WDR93: variants seen among roughly 807,000 people sequenced by gnomAD.
The protein encoded by WDR93 is WD repeat domain 93.
WDR93 carries 73 observed loss-of-function variants against 82.9 expected under a neutral mutation model. That is an observed-to-expected ratio of 0.88 (90% confidence interval 0.73 to 1.07). WDR93 has a LOEUF of 1.07. Among genes scored for constraint, WDR93 ranks in the 50% least tolerant of loss-of-function variants. WDR93 has a pLI of 0.00. For synonymous variants in WDR93, 283 were observed against 300.1 expected, an observed-to-expected ratio of 0.94 and a Z score of 0.59; for missense variants, 738 against 826.0, an observed-to-expected ratio of 0.89 and a Z score of 1.31.
Position 89,703,092 on chromosome 15 carries a change from G to T in WDR93, c.446G>T (p.Trp149Leu). The T allele has an allele frequency of 6.2e-7, 1 of 1,614,112 alleles. No homozygotes were observed. The change falls in exon 3 of 17, where the codon TGG (tryptophan) becomes TTG (leucine). Residue 149 changes from tryptophan to leucine, a missense_variant. Coordinates refer to ENST00000268130, the MANE Select transcript of WDR93 (RefSeq NM_020212.2). ...EKLKVDVTSIWATDLGNEILI... is the reference protein window; with the variant it reads ...EKLKVDVTSILATDLGNEILI... ...CTTAAGGTTGATGTCACTTCCATCTGGGCCACAGATTTAGGGAATGAAATA... is the reference window on the plus strand; with the variant it reads ...CTTAAGGTTGATGTCACTTCCATCTTGGCCACAGATTTAGGGAATGAAATA...
At chr15:89,700,568 T>G (rs913948441) in intron 1 of WDR93, among the ~76,000 whole-genome samples, 135 of 149,050 alleles carry the variant, frequency 9.1e-4, no homozygotes, top group Middle Eastern at 3.5e-3. Flanking sequence ...GGTTTTTTTT[T>G]TTTTTTTTTT....
Position 89,737,595 on chromosome 15 carries a change from G to A in WDR93, c.1631G>A (p.Gly544Asp). The change falls in exon 15 of 17, where the codon GGC (glycine) becomes GAC (aspartate). Residue 544 changes from glycine to aspartate, a missense_variant. By Grantham distance (94) the Gly-to-Asp change is moderately conservative (BLOSUM62 -1). Transcript: ENST00000268130. The stretch of plus-strand genomic sequence containing the variant: ...CAGGTGCTCATCTTTTCCAAGAATG[G>A]CTCTGTGTGCCTTATGGATGTGGCC... The part of the protein sequence containing the change: ...PGMVLIFSKN[G>D]SVCLMDVAKR... 1 of 1,614,158 alleles carries A rather than the reference G, an allele frequency of 6.2e-7. No individual in the cohort carries two copies. The highest frequency in any genetic ancestry group is 8.5e-7 in the Non-Finnish European group (1 of 1,180,016).
chr15:89,715,144 C>T (rs939956273), intron 6 of WDR93, 49 bp downstream of exon 6: 10 of 1,540,826 alleles, frequency 6.5e-6, no homozygotes, highest in Admixed American at 1.8e-5. Context: ...CTACCCCTGA[C>T]CCACATCTAG....
In WDR93 at chr15:89,738,221, G is replaced by A. The variant is rs35389334; in HGVS notation, c.1946G>A (p.Arg649His). The A allele has an allele frequency of 3.2e-3, 5,165 of 1,609,784 alleles. 178 individuals carry two copies. In the African/African-American group the frequency reaches 0.06, roughly 19 times the overall value. ...CTGCCACTGGAGAAGAGATGTGAGC[G>A]TTTCCTCCAGAAGAGGTAAAGAGCT... is the stretch of plus-strand genomic sequence containing the variant. ...QALPLEKRCERFLQKSYRKLE... is the reference protein window; with the variant it reads ...QALPLEKRCEHFLQKSYRKLE... The change falls in exon 16 of 17, where the codon CGT becomes CAT. Residue 649 changes from arginine to histidine, a missense_variant. By Grantham distance (29) the Arg-to-His change is conservative. Coordinates refer to ENST00000268130, the MANE Select transcript of WDR93 (RefSeq NM_020212.2).
At chr15:89,731,598 T>C in intron 12 of WDR93, 36 bp downstream of exon 12, 1 of 1,612,672 alleles carries the variant, frequency 6.2e-7, no homozygotes, top group Non-Finnish European at 8.5e-7. Flanking sequence ...AGTACCTGGG[T>C]GGGACTCTGG....
rs763530423 is a variant in WDR93, at chr15:89,702,930, T to A, written c.304-20T>A. ...AAGACAGTGACAACTGAAAATAATA[T>A]TTTTTCTTTGTTTTCCCAGCTCAAC... On this transcript the variant is annotated intron_variant, in intron 2 of 16. Coordinates refer to ENST00000268130, the MANE Select transcript of WDR93 (RefSeq NM_020212.2). The A allele has an allele frequency of 6.2e-7, 1 of 1,611,452 alleles. No individual in the cohort carries two copies. The highest frequency in any genetic ancestry group is 8.5e-7 in the Non-Finnish European group (1 of 1,178,912).
At chr15:89,728,538 G>A (rs1266505583) in intron 9 of WDR93, among the ~76,000 whole-genome samples, 1 of 152,186 alleles carries the variant, frequency 6.6e-6, no homozygotes, top group East Asian at 1.9e-4. Flanking sequence ...GATAATTAGG[G>A]TTTTGCAAGC....
In WDR93 at chr15:89,712,120, G is replaced by A. The variant is rs771390032; in HGVS notation, c.640+16G>A. 2 of 1,601,650 alleles carry A rather than the reference G, an allele frequency of 1.2e-6. No individual in the cohort carries two copies. The highest frequency in any genetic ancestry group is 1.7e-6 in the Non-Finnish European group (2 of 1,171,568). On this transcript the variant is annotated intron_variant, in intron 5 of 16. Coordinates refer to ENST00000268130, the MANE Select transcript of WDR93 (RefSeq NM_020212.2). Reference sequence around the variant, plus strand: ...CTCCTACAAGGCAAGATTAACCAAAGACTGTTAAGGTTCAAATTTTCAGTC... The same window carrying A: ...CTCCTACAAGGCAAGATTAACCAAAAACTGTTAAGGTTCAAATTTTCAGTC...
chr15:89,711,125 T>C (rs1034811827), intron 4 of WDR93, among the ~76,000 whole-genome samples: 3 of 152,148 alleles, frequency 2.0e-5, no homozygotes, highest in African/African-American at 7.2e-5. Context: ...AGCCTCCTGA[T>C]ATGATGCAGT....
intron 3 of WDR93, chr15:89,704,850 T>C (rs1338581529): frequency 1.3e-5 from 2 of 152,524 alleles, no homozygotes; most frequent in Non-Finnish European, 2.9e-5. Flanking sequence ...TTGGTGTCCC[T>C]AGCACATTTG....
intron 16 of WDR93, among the ~76,000 whole-genome samples, chr15:89,742,002 T>G (rs926281757): frequency 6.6e-6 from 1 of 152,160 alleles, no homozygotes; most frequent in Non-Finnish European, 1.5e-5. Context: ...CCACCCGCCT[T>G]GGCCTCCCAA....
chr15:89,698,751 T>A (rs943239534), intron 1 of WDR93, among the ~76,000 whole-genome samples: 4 of 152,188 alleles, frequency 2.6e-5, no homozygotes, highest in African/African-American at 9.6e-5. Flanking sequence ...ACTACATTTT[T>A]ATTTTTTTGT....
intron 4 of WDR93, among the ~76,000 whole-genome samples, chr15:89,706,294 G>A (rs1179893053): frequency 6.6e-6 from 1 of 151,720 alleles, no homozygotes; most frequent in Admixed American, 6.6e-5. Context: ...ATTCCCGAAA[G>A]AGAGGGTATT....
intron 10 of WDR93, 45 bp downstream of exon 10, chr15:89,729,138 T>C (rs778125362): frequency 5.8e-6 from 9 of 1,558,052 alleles, no homozygotes; most frequent in Non-Finnish European, 8.0e-6. Flanking sequence ...AGGAGTCACC[T>C]TGGGGAAACC....
chr15:89,718,854 A>T (rs1367440918), intron 7 of WDR93, among the ~76,000 whole-genome samples: 2 of 152,328 alleles, frequency 1.3e-5, no homozygotes, highest in African/African-American at 2.4e-5. Context: ...ACCTCAGGTC[A>T]TCCACCCGCT....
chr15:89,695,818 T>A (rs1243896029), intron 1 of WDR93, among the ~76,000 whole-genome samples: 1 of 145,560 alleles, frequency 6.9e-6, no homozygotes, highest in Non-Finnish European at 1.5e-5. Context: ...CTGTCCTTTT[T>A]TTTTTTTTTT....
chr15:89,737,245 C>T (rs1316743895), intron 14 of WDR93, among the ~76,000 whole-genome samples: 1 of 152,168 alleles, frequency 6.6e-6, no homozygotes, highest in Non-Finnish European at 1.5e-5. Flanking sequence ...GCATTGGGAG[C>T]ACAGGTGAGA....
rs1015627203 is a variant in WDR93, at chr15:89,727,174, C to T, written c.898C>T (p.Pro300Ser). The T allele has an allele frequency of 1.9e-6, 3 of 1,613,310 alleles. No homozygotes were observed. Among genetic ancestry groups the T allele is most frequent in the Admixed American group, 3.3e-5 (2 of 59,960 alleles). The change falls in exon 9 of 17, where the codon CCC becomes TCC. Residue 300 changes from proline to serine, a missense_variant. Coordinates refer to ENST00000268130, the MANE Select transcript of WDR93 (RefSeq NM_020212.2). ...CAACCTAGGCACCACATTCAAAAGCCCCCTGGAAGTCTTTGCAAAGATCAA... is the reference window on the plus strand; with the variant it reads ...CAACCTAGGCACCACATTCAAAAGCTCCCTGGAAGTCTTTGCAAAGATCAA... ...KPVTGTTFKS[P>S]LEVFAKIKDC...
chr15:89,725,446 C>G (rs1346971672), intron 8 of WDR93, among the ~76,000 whole-genome samples: 1 of 151,592 alleles, frequency 6.6e-6, no homozygotes, highest in Admixed American at 6.6e-5. Context: ...AATGAAGTGG[C>G]TACCATAAAG....
Sources: allele counts gnomAD v4.1 joint callset (sites outside exome capture counted in the v4.1 genomes callset), GRCh38; gene constraint gnomAD v4.1.1; transcripts MANE v1.5; gene names NCBI Gene and HGNC (gene_info 2026-07-23, HGNC 2026-07-21).